Variants in GXYLT1 observed in about 807,000 individuals in gnomAD.
GXYLT1 encodes the protein glucoside xylosyltransferase 1.
Under a neutral mutation model 54.0 loss-of-function variants are expected in GXYLT1, and 29 were observed. That is an observed-to-expected ratio of 0.54 (90% CI 0.40 to 0.73). The LOEUF (loss-of-function observed/expected upper bound fraction) is 0.73. Among genes scored for constraint, GXYLT1 ranks in the 30% least tolerant of loss-of-function variants. The pLI, the probability that GXYLT1 is intolerant of heterozygous loss-of-function variation, is 0.00. For missense variants in GXYLT1, 490 were observed against 553.4 expected (o/e 0.89, Z 1.15); for synonymous variants, 176 against 204.1 (o/e 0.86, Z 1.17).
Position 42,105,670 on chromosome 12 carries a change from C to G in GXYLT1, c.864+148G>C, listed in dbSNP as rs57435495. On this transcript the variant is annotated intron_variant, in intron 5 of 7. Transcript: ENST00000398675. ...AATATGAACACACTTCTAGATAAAT[C>G]TAGATATTTATATTCTTCTAATGAG... 3.0e-3 allele frequency: 1,739 copies of G among 584,912 alleles called. 26 individuals are homozygous for G. In the African/African-American group the frequency reaches 0.031, roughly 10 times the overall value. The allele number at this position is 584,912 out of a possible 1,614,324, so 36.2% of individuals were successfully genotyped here. A position where few individuals can be genotyped will look rare whatever the true frequency, so the allele number is the denominator to read the frequency against.
intron 1 of GXYLT1, among the ~76,000 whole-genome samples, chr12:42,133,215 T>C (rs1373045266): frequency 6.6e-6 from 1 of 150,678 alleles, no homozygotes; most frequent in Non-Finnish European, 1.5e-5. Flanking sequence ...GAGGCGGAGG[T>C]TTCAGTGAGC....
At chr12:42,096,271 A>C (rs1252096243) in intron 7 of GXYLT1, among the ~76,000 whole-genome samples, 2 of 152,196 alleles carry the variant, frequency 1.3e-5, no homozygotes, top group African/African-American at 2.4e-5. Flanking sequence ...ACTAAAGGGA[A>C]CCAGAGCTCC....
At chr12:42,105,506 GA>G (rs1306711681) in intron 5 of GXYLT1, among the ~76,000 whole-genome samples, 1 of 152,090 alleles carries the variant, frequency 6.6e-6, no homozygotes, top group African/African-American at 2.4e-5. Flanking sequence ...TGTATTCTAT[GA>G]ATGTACAACT....
intron 7 of GXYLT1, 149 bp downstream of exon 7, chr12:42,097,293 A>C: frequency 2.0e-6 from 1 of 488,176 alleles, no homozygotes; most frequent in Non-Finnish European, 3.3e-6. Flanking sequence ...TGTAGAGAGA[A>C]AACCAACGAC....
intron 1 of GXYLT1, among the ~76,000 whole-genome samples, chr12:42,139,164 C>T (rs1485558922): frequency 6.6e-6 from 1 of 151,826 alleles, no homozygotes; most frequent in Non-Finnish European, 1.5e-5. Context: ...GGCCACTGTA[C>T]TCCAGCTTGG....
intron 1 of GXYLT1, among the ~76,000 whole-genome samples, chr12:42,134,700 C>T (rs73128041): frequency 0.018 from 2,814 of 152,308 alleles, 47 homozygotes; most frequent in Middle Eastern, 0.044. Context: ...CGTACCTTTT[C>T]AGCACAATCT....
Position 42,144,784 on chromosome 12 carries a change from C to G in GXYLT1, c.-138G>C. On this transcript the variant is annotated 5_prime_UTR_variant, in exon 1 of 8. Transcript: ENST00000398675. Reference sequence around the variant, plus strand: ...GCCGCCGCCGCCTTGCGCCCGCTCCCTTCCTTCCCTCCCCGCCCACCACCT... The same window carrying G: ...GCCGCCGCCGCCTTGCGCCCGCTCCGTTCCTTCCCTCCCCGCCCACCACCT... 1 of 537,730 alleles carries G rather than the reference C, an allele frequency of 1.9e-6. No individual in the cohort carries two copies. 33.3% of individuals were successfully genotyped at this position (537,730 alleles called of 1,614,324 possible). A position where few individuals can be genotyped will look rare whatever the true frequency, so the allele number is the denominator to read the frequency against.
chr12:42,107,369 G>A (rs1353782916), intron 4 of GXYLT1, among the ~76,000 whole-genome samples: 2 of 152,142 alleles, frequency 1.3e-5, no homozygotes, highest in South Asian at 4.1e-4. Flanking sequence ...GAGTAGGGAA[G>A]GTTCACTTGG....
intron 2 of GXYLT1, among the ~76,000 whole-genome samples, chr12:42,123,279 T>C (rs565257525): frequency 6.4e-4 from 97 of 152,334 alleles, no homozygotes; most frequent in Admixed American, 2.0e-3. Context: ...ATTATGGCTG[T>C]ATTAAAGTAT....
intron 7 of GXYLT1, among the ~76,000 whole-genome samples, chr12:42,089,071 T>C: frequency 6.6e-6 from 1 of 151,904 alleles, no homozygotes; most frequent in East Asian, 1.9e-4. Flanking sequence ...ACCATCACCC[T>C]TGGAGTGATT....
At chr12:42,138,542 A>AG (rs1401572596) in intron 1 of GXYLT1, among the ~76,000 whole-genome samples, 7 of 61,030 alleles carry the variant, frequency 1.1e-4, no homozygotes, top group African/African-American at 1.5e-4. Flanking sequence ...TAAAAAAGGG[A>AG]GGGGAAAAAA....
chr12:42,098,103 C>T (rs2065367615), intron 5 of GXYLT1, 70 bp from the exon 6 acceptor site: 10 of 1,397,308 alleles, frequency 7.2e-6, no homozygotes, highest in Non-Finnish European at 9.0e-6. Flanking sequence ...GACAGTTCCT[C>T]ATTCTTCCCA....
rs549270684 is a variant in GXYLT1 at position 42,136,918 on chromosome 12, C to T, written c.222-7067G>A. Among the ~76,000 whole-genome samples the T allele has an allele frequency of 1.1e-4, 16 of 152,038 alleles. No homozygotes were observed. In the East Asian group the frequency reaches 1.2e-3, roughly 11 times the overall value. ...CCTCTGGAGTAGCTGGGACCACAGG[C>T]GCACACCACTATGCCCAGGTAATTT... On this transcript the variant is annotated intron_variant, in intron 1 of 7. Transcript: ENST00000398675.
intron 1 of GXYLT1, among the ~76,000 whole-genome samples, chr12:42,139,037 CA>C (rs560482231): frequency 1.6e-3 from 211 of 129,794 alleles, no homozygotes; most frequent in Non-Finnish European, 1.5e-3. Flanking sequence ...GACTCTGTCT[CA>C]AAAAAAAAAA....
At chr12:42,105,738 TTA>T in intron 5 of GXYLT1, 78 bp downstream of exon 5, 1 of 1,040,606 alleles carries the variant, frequency 9.6e-7, no homozygotes, top group Non-Finnish European at 1.4e-6. Flanking sequence ...AATTTAGTTT[TTA>T]ATAAAATTTA....
chr12:42,118,175 T>C (rs1450407581), intron 3 of GXYLT1, among the ~76,000 whole-genome samples: 1 of 152,220 alleles, frequency 6.6e-6, no homozygotes, highest in African/African-American at 2.4e-5. Context: ...TGCTGCCAAA[T>C]TGATTTTAAC....
Position 42,119,078 on chromosome 12 carries a change from T to C in GXYLT1, c.408A>G (p.Ser136=). The C allele has an allele frequency of 5.0e-6, 8 of 1,614,066 alleles. No homozygotes were observed. Among genetic ancestry groups the C allele is most frequent in the Non-Finnish European group, 6.8e-6 (8 of 1,179,862 alleles). The change falls in exon 3 of 8, where the codon TCA becomes TCG. Residue 136 remains serine (S), a synonymous_variant. Coordinates refer to ENST00000398675, the MANE Select transcript of GXYLT1 (RefSeq NM_173601.2). ...GAGGTTTGATGCTGAAAATGATAGC[T>C]GACTTCAACATGGTCATAGTTTCTT... ...RLEETMTMLK[S]AIIFSIKPLQ...
intron 5 of GXYLT1, among the ~76,000 whole-genome samples, chr12:42,102,270 T>C (rs575775979): frequency 1.3e-5 from 2 of 152,348 alleles, no homozygotes; most frequent in East Asian, 1.9e-4. Flanking sequence ...GATTAGTTAC[T>C]TCACTTTAAA....
chr12:42,098,952 A>C (rs1331403345), intron 5 of GXYLT1, among the ~76,000 whole-genome samples: 2 of 152,016 alleles, frequency 1.3e-5, no homozygotes, highest in Non-Finnish European at 1.5e-5. Context: ...ACCATGAATG[A>C]CATATAAAGT....
Sources: gnomAD v4.1 joint callset for allele counts (sites outside exome capture counted in the v4.1 genomes callset) on GRCh38, gnomAD v4.1.1 for gene constraint, MANE v1.5 for transcripts, NCBI Gene and HGNC (gene_info 2026-07-23, HGNC 2026-07-21) for gene names.